Variants in SP140 observed in about 807,000 individuals in gnomAD.
The protein encoded by SP140 is SP140 nuclear body protein.
Under a neutral mutation model 125.0 loss-of-function variants are expected in SP140, and 81 were observed. That is an observed-to-expected ratio of 0.65 (90% confidence interval 0.54 to 0.78). SP140 has a LOEUF of 0.78. SP140 is among the 30% of genes least tolerant of loss of function. The pLI, the probability that SP140 is intolerant of heterozygous loss-of-function variation, is 0.00. For synonymous variants in SP140, 312 were observed against 354.0 expected (o/e 0.88, Z 1.33); for missense variants, 858 against 1,037.0 (o/e 0.83, Z 2.37).
In SP140 at chr2:230,216,535, A is replaced by C. The variant is rs200898712; in HGVS notation, c.-91+2461A>C. Reference sequence around the variant, plus strand: ...TTCTGGCCTCCACACCTGAGAGAATATATTTCTGTTGTTTTAAGCTACCTG... The same window carrying C: ...TTCTGGCCTCCACACCTGAGAGAATCTATTTCTGTTGTTTTAAGCTACCTG... On this transcript the variant is annotated intron_variant, in intron 3 of 4. Coordinates refer to the SP140 transcript ENST00000456542. Among the ~76,000 whole-genome samples, 14 of 152,292 alleles carry C rather than the reference A, an allele frequency of 9.2e-5. No individual in the cohort carries two copies. The East Asian group carries it at 2.5e-3, about 27-fold the overall frequency.
At position 230,245,035 on chromosome 2, in the gene SP140, G is replaced by A. The variant is rs1191311863; in HGVS notation, c.619G>A (p.Gly207Arg). ...GCAGTTAGCTCTCCCAAAGGCTGGT[G>A]GAGGAGATGCTGAAGATGCACCCAG... ...CEQLALPKAG[G>R]GDAEDAPSLL... The change falls in exon 6 of 27, where the codon GGA becomes AGA. Residue 207 changes from glycine (G) to arginine (R), a missense_variant. Physicochemically the swap from Gly to Arg is moderately radical, Grantham distance 125 (BLOSUM62 -2). Transcript: ENST00000392045. The A allele has an allele frequency of 1.2e-6, 2 of 1,613,276 alleles. No individual in the cohort carries two copies. The highest frequency in any genetic ancestry group is 1.7e-6 in the Non-Finnish European group (2 of 1,179,402).
Position 230,258,916 on chromosome 2 carries a change from C to T in SP140, c.1240+3384C>T, listed in dbSNP as rs777287559. On this transcript the variant is annotated intron_variant, in intron 12 of 26. Coordinates refer to ENST00000392045, the MANE Select transcript of SP140 (RefSeq NM_007237.5). ...AGCTGCACTTTTTTTTTTTTCTAAA[C>T]GGGAACAGAGTTAAAGTTGATCCAA... is the stretch of plus-strand genomic sequence containing the variant. Among the ~76,000 whole-genome samples, 5 of 149,366 alleles carry T rather than the reference C, an allele frequency of 3.3e-5. No homozygotes were observed. The East Asian group carries it at 5.9e-4, about 18-fold the overall frequency.
intron 21 of SP140, among the ~76,000 whole-genome samples, chr2:230,295,153 G>A (rs553607752): frequency 6.6e-6 from 1 of 152,152 alleles, no homozygotes; most frequent in African/African-American, 2.4e-5. Flanking sequence ...TCCAAGACTG[G>A]GTATGAATGA....
At chr2:230,201,584 C>T (rs532501297), upstream of SP140, among the ~76,000 whole-genome samples, 29 of 152,332 alleles carry the variant, frequency 1.9e-4, no homozygotes, top group African/African-American at 6.7e-4. Flanking sequence ...ACATATCTGA[C>T]ATCTTAATAT....
At chr2:230,312,179 T>C (rs1346521366) in intron 26 of SP140, among the ~76,000 whole-genome samples, 44 of 152,248 alleles carry the variant, frequency 2.9e-4, no homozygotes. Flanking sequence ...TCTGCCCTGT[T>C]AATAAGAAAG....
upstream of SP140, among the ~76,000 whole-genome samples, chr2:230,202,284 C>A (rs1039136821): frequency 4.6e-5 from 7 of 152,270 alleles, no homozygotes; most frequent in African/African-American, 1.7e-4. Flanking sequence ...TAAACAGAAG[C>A]TCCTTAGGGT....
chr2:230,249,241 G>A (rs188676884), intron 9 of SP140, among the ~76,000 whole-genome samples: 1 of 152,324 alleles, frequency 6.6e-6, no homozygotes, highest in East Asian at 1.9e-4. Context: ...CGCCAGAGAA[G>A]TGCGTGGGTG....
chr2:230,212,294 T>C (rs1384927050), intron 1 of SP140: 1 of 1,333,994 alleles, frequency 7.5e-7, no homozygotes, highest in East Asian at 2.3e-5. Context: ...AGACGCATGT[T>C]CTCCCTTCAC....
intron 16 of SP140, among the ~76,000 whole-genome samples, chr2:230,285,507 C>T (rs1208880953): frequency 6.6e-6 from 1 of 152,146 alleles, no homozygotes; most frequent in African/African-American, 2.4e-5. Context: ...TCATTTAAGT[C>T]TGAATCATTA....
chr2:230,287,958 G>A lies in SP140; in HGVS notation c.1712G>A (p.Arg571Gln), dbSNP rs201257053. The change falls in exon 18 of 27, where the codon CGA becomes CAA. Residue 571 changes from arginine (R) to glutamine (Q), a missense_variant. Physicochemically the swap from Arg to Gln is conservative, Grantham distance 43. Transcript: ENST00000392045. ...QSDRAAQKRV[R>Q]SRASRKHKDE... ...GACAGAGCTGCACAGAAAAGAGTCC[G>A]ATCAAGAGGTAAAAAAGAAAACAGG... The A allele has an allele frequency of 1.2e-5, 20 of 1,611,054 alleles. No homozygotes were observed. The highest frequency in any genetic ancestry group is 1.1e-4 in the African/African-American group (8 of 74,882).
chr2:230,278,582 C>A (rs2055060135), intron 15 of SP140, among the ~76,000 whole-genome samples: 1 of 151,972 alleles, frequency 6.6e-6, no homozygotes, highest in Non-Finnish European at 1.5e-5. Context: ...CCCAGACTAA[C>A]CTCAAGGAGC....
chr2:230,290,001 C>T (rs1260983353), intron 18 of SP140, among the ~76,000 whole-genome samples: 2 of 152,126 alleles, frequency 1.3e-5, no homozygotes, highest in Non-Finnish European at 2.9e-5. Flanking sequence ...AGGCAGACAT[C>T]ATCTCCATTA....
chr2:230,197,903 T>C, the SP140 span, among the ~76,000 whole-genome samples: 15 of 152,152 alleles, frequency 9.9e-5, no homozygotes, highest in African/African-American at 3.6e-4. Flanking sequence ...TCTCCCATGT[T>C]GGCCTCCCAA....
chr2:230,290,673 G>A, intron 19 of SP140, 109 bp downstream of exon 19: 1 of 959,192 alleles, frequency 1.0e-6, no homozygotes, highest in South Asian at 1.6e-5. Flanking sequence ...GTCCCAGTTT[G>A]GCTTGAGGGA....
chr2:230,316,288 G>A (rs1331750283), downstream of SP140, among the ~76,000 whole-genome samples: 3 of 147,328 alleles, frequency 2.0e-5, no homozygotes, highest in East Asian at 5.9e-4. Context: ...TCAATGGTCT[G>A]GAGCATGTCA....
rs1037461725 is a variant in SP140, at chr2:230,250,904, G to T, written c.977-77G>T. On this transcript the variant is annotated intron_variant, in intron 9 of 26. Transcript: ENST00000392045. ...CCTGGGTGATGGACAGCCCCACCTA[G>T]GAGATACTTCAGCTTCCCACGTCTT... 2.0e-6 allele frequency: 3 copies of T among 1,533,494 alleles called. No individual in the cohort carries two copies. The African/African-American group carries it at 4.1e-5, about 21-fold the overall frequency. The allele number at this position is 1,533,494 out of a possible 1,614,324, so 95.0% of individuals were successfully genotyped here.
intron 18 of SP140, among the ~76,000 whole-genome samples, chr2:230,288,455 A>ATCTATCTT (rs1553599903): frequency 8.1e-6 from 1 of 123,522 alleles, no homozygotes; most frequent in East Asian, 2.6e-4. Context: ...TAGGCCAACT[A>ATCTATCTT]TCTTTCTTTC....
intron 12 of SP140, among the ~76,000 whole-genome samples, chr2:230,260,683 C>T (rs1177927265): frequency 6.6e-6 from 1 of 152,152 alleles, no homozygotes; most frequent in Admixed American, 6.5e-5. Context: ...ATCCCAGCAC[C>T]ATTTGTTGAA....
At chr2:230,265,816 G>A (rs1023026097) in intron 12 of SP140, among the ~76,000 whole-genome samples, 2 of 151,992 alleles carry the variant, frequency 1.3e-5, no homozygotes, top group Non-Finnish European at 2.9e-5. Context: ...CCTGGGTCCT[G>A]CAGGTGCAAT....
Sources: gnomAD v4.1 joint callset for allele counts (sites outside exome capture counted in the v4.1 genomes callset) on GRCh38, gnomAD v4.1.1 for gene constraint, MANE v1.5 for transcripts, NCBI Gene and HGNC (gene_info 2026-07-23, HGNC 2026-07-21) for gene names.